Variants in KMT2D observed in about 807,000 individuals in gnomAD.
KMT2D encodes the protein histone-lysine N-methyltransferase 2D.
In KMT2D, 55 loss-of-function variants were observed where a neutral mutation model predicts 512.7. The ratio of observed to expected loss-of-function variants is 0.11; its 90% CI spans 0.09 to 0.13. KMT2D has a LOEUF of 0.13. KMT2D is among the 10% of genes least tolerant of loss of function. KMT2D has a pLI of 1.00. For synonymous variants in KMT2D, 2,995 were observed against 2,904.0 expected (o/e 1.03, Z -1.01); for missense variants, 6,061 against 7,127.9 (o/e 0.85, Z 5.39).
chr12:49,049,014 G>C (rs1157598647), intron 13 of KMT2D, 91 bp downstream of exon 13: 2 of 843,284 alleles, frequency 2.4e-6, no homozygotes, highest in East Asian at 2.6e-5. Context: ...TAGACGAGCA[G>C]GCAGGTAGGC....
rs760816616 is a variant in KMT2D at position 49,033,467 on chromosome 12, G to GTGCTGC, written c.11232_11237dup (p.Gln3744_Gln3745dup). ...GCTGGATTGCCACCTGTCCTAGAAGGTGCTGCTGCTGCTGTTGCTGCTGCT... is the reference window on the plus strand; with the variant it reads ...GCTGGATTGCCACCTGTCCTAGAAGGTGCTGCTGCTGCTGCTGCTGTTGCTGCTGCT... On this transcript the variant is annotated inframe_insertion, in exon 40 of 55. Coordinates refer to ENST00000301067, the MANE Select transcript of KMT2D (RefSeq NM_003482.4). 1 of 1,606,386 alleles carries GTGCTGC rather than the reference G, an allele frequency of 6.2e-7. No individual in the cohort carries two copies. The highest frequency in any genetic ancestry group is 8.5e-7 in the Non-Finnish European group (1 of 1,176,638).
Position 49,051,406 on chromosome 12 carries a change from T to C in KMT2D, c.2277A>G (p.Pro759=), listed in dbSNP as rs1358870319. ...GCTCCTCAGCCTGCGGAGATAGGTGTGGCTCCTCAGGCCGGGGGGACAGGT... is the reference window on the plus strand; with the variant it reads ...GCTCCTCAGCCTGCGGAGATAGGTGCGGCTCCTCAGGCCGGGGGGACAGGT... The part of the protein sequence containing the change: ...EPHLSPRPEE[P]HLSPQAEEPH... The change falls in exon 11 of 55, where the codon CCA becomes CCG. Residue 759 remains proline, a synonymous_variant. Coordinates refer to ENST00000301067, the MANE Select transcript of KMT2D (RefSeq NM_003482.4). The C allele has an allele frequency of 1.0e-5, 16 of 1,603,010 alleles. No individual in the cohort carries two copies. Among genetic ancestry groups the C allele is most frequent in the East Asian group, 4.5e-5 (2 of 44,330 alleles).
In KMT2D at chr12:49,025,170, C is replaced by T. The variant is rs556531027; in HGVS notation, c.15785-224G>A. On this transcript the variant is annotated intron_variant, in intron 49 of 54. Transcript: ENST00000301067. The stretch of plus-strand genomic sequence containing the variant: ...TCATCACAGAGCCTTGAGATACAAA[C>T]CCAGGGCCCAGGAGACCCAGCATAG... 1.7e-4 allele frequency among the ~76,000 whole-genome samples: 26 copies of T among 152,268 alleles called. No homozygotes were observed. The South Asian group carries it at 5.4e-3, about 32-fold the overall frequency.
Position 49,060,002 on chromosome 12 carries a change from G to A in KMT2D, c.-427C>T, listed in dbSNP as rs1162028554. Among the ~76,000 whole-genome samples the A allele has an allele frequency of 6.6e-6, 1 of 151,436 alleles. No homozygotes were observed. The highest frequency in any genetic ancestry group is 1.5e-5 in the Non-Finnish European group (1 of 67,784). ...GCGCCGGGCTCGGGCGGAACGTCGA[G>A]GCTCTCCAGATGGAACGTCGAGGCG... On this transcript the variant is annotated 5_prime_UTR_variant, in exon 1 of 55. Coordinates refer to ENST00000301067, the MANE Select transcript of KMT2D (RefSeq NM_003482.4).
chr12:49,021,996 A>G (rs763036482), intron 54 of KMT2D, 47 bp downstream of exon 54: 55 of 1,576,442 alleles, frequency 3.5e-5, no homozygotes, highest in Non-Finnish European at 4.5e-5. Context: ...GAAGGGGTGA[A>G]AGGAGGAGGA....
chr12:49,027,181 G>A lies in KMT2D; in HGVS notation c.14785C>T (p.Pro4929Ser), dbSNP rs1942641944. ...GGAAGTTCAACCAAGGGCTCAGTAG[G>A]GGGACTGGCAGGAGAAGGTGCCAAG... ...SPLAPSPASPPTEPLVELPTE... is the reference protein window; with the variant it reads ...SPLAPSPASPSTEPLVELPTE... Residue 4929 changes from proline to serine, a missense_variant, in exon 49 of 55, where the codon CCT (proline) becomes TCT (serine). Pro to Ser is a moderately conservative substitution (Grantham distance 74). Coordinates refer to ENST00000301067, the MANE Select transcript of KMT2D (RefSeq NM_003482.4). 1 of 1,551,482 alleles carries A rather than the reference G, an allele frequency of 6.4e-7. No homozygotes were observed. Among genetic ancestry groups the A allele is most frequent in the African/African-American group, 1.4e-5 (1 of 73,048 alleles).
Position 49,060,216 on chromosome 12 carries a change from C to T in KMT2D, c.-641G>A. The stretch of plus-strand genomic sequence containing the variant: ...GACACACACCCAGCGCCGGGCTTCT[C>T]GACCCCGAGCGCTCACCCTCGGCGG... On this transcript the variant is annotated 5_prime_UTR_variant, in exon 1 of 55. Transcript: ENST00000301067. 6.6e-6 allele frequency among the ~76,000 whole-genome samples: 1 copy of T among 151,920 alleles called. No individual in the cohort carries two copies. Among genetic ancestry groups the T allele is most frequent in the Non-Finnish European group, 1.5e-5 (1 of 67,882 alleles).
chr12:49,042,465 G>A lies in KMT2D; in HGVS notation c.5867+96C>T. Reference sequence around the variant, plus strand: ...AACAAGGGAATGGGGAGGAGCAGGGGAAGTGCTGCAGGAGTCCGAGGGAGG... The same window carrying A: ...AACAAGGGAATGGGGAGGAGCAGGGAAAGTGCTGCAGGAGTCCGAGGGAGG... On this transcript the variant is annotated intron_variant, in intron 28 of 54. Transcript: ENST00000301067. This position sits in a 1 kb window ranked among gnomAD's most constrained non-coding sequence, Gnocchi z 4.4. 18 of 1,525,572 alleles carry A rather than the reference G, an allele frequency of 1.2e-5. No homozygotes were observed. The highest frequency in any genetic ancestry group is 2.4e-5 in the East Asian group (1 of 41,344). 94.5% of individuals were successfully genotyped at this position (1,525,572 alleles called of 1,614,324 possible).
At position 49,040,012 on chromosome 12, in the gene KMT2D, G is replaced by T; in HGVS notation, c.7758C>A (p.Asn2586Lys). 6.2e-7 allele frequency: 1 copy of T among 1,613,766 alleles called. No individual in the cohort carries two copies. The highest frequency in any genetic ancestry group is 8.5e-7 in the Non-Finnish European group (1 of 1,179,780). ...QSTNYTVATGNFHPSGSPLGP... is the reference protein window; with the variant it reads ...QSTNYTVATGKFHPSGSPLGP... ...CCAGGGGGCTGCCCGATGGGTGGAA[G>T]TTCCCTGTGGCTACTGTGTAGTTTG... The change falls in exon 32 of 55, where the codon AAC becomes AAA. Residue 2586 changes from asparagine (N) to lysine (K), a missense_variant. By Grantham distance (94) the Asn-to-Lys change is moderately conservative. Coordinates refer to ENST00000301067, the MANE Select transcript of KMT2D (RefSeq NM_003482.4).
chr12:49,050,251 C>A lies in KMT2D; in HGVS notation c.3337G>T (p.Asp1113Tyr), dbSNP rs1178360990. The A allele has an allele frequency of 6.2e-7, 1 of 1,612,932 alleles. No homozygotes were observed. Among genetic ancestry groups the A allele is most frequent in the Admixed American group, 1.7e-5 (1 of 59,838 alleles). The change falls in exon 12 of 55, where the codon GAT becomes TAT. Residue 1113 changes from aspartate to tyrosine, a missense_variant. By Grantham distance (160) the Asp-to-Tyr change is radical. Coordinates refer to ENST00000301067, the MANE Select transcript of KMT2D (RefSeq NM_003482.4). ...TCTTCCCCTAGGCCAGAGAAGTCATCCAGGGCTGGGGCAGGGCTGGGGGCG... is the reference window on the plus strand; with the variant it reads ...TCTTCCCCTAGGCCAGAGAAGTCATACAGGGCTGGGGCAGGGCTGGGGGCG... The part of the protein sequence containing the change: ...CPAPSPAPAL[D>Y]DFSGLGEDTA...
Position 49,031,626 on chromosome 12 carries a change from G to A in KMT2D, c.13079C>T (p.Pro4360Leu), listed in dbSNP as rs756511626. The A allele has an allele frequency of 6.2e-6, 10 of 1,602,100 alleles. No homozygotes were observed. The South Asian group carries it at 6.7e-5, about 11-fold the overall frequency. Residue 4360 changes from proline to leucine, a missense_variant, in exon 40 of 55, where the codon CCT becomes CTT. Around this residue, in one of 16 missense-constraint regions of KMT2D, gnomAD observed 1,600 missense variants for 1,754.9 expected, o/e 0.91. Coordinates refer to ENST00000301067, the MANE Select transcript of KMT2D (RefSeq NM_003482.4). ...GGTATCTGCAAGCTGGGCAGCAGCA[G>A]GTGAGACCCTCCCAGGAGGCGGCTC... is the stretch of plus-strand genomic sequence containing the variant. ...TLEPPPGRVSPAAAQLADTLF... is the reference protein window; with the variant it reads ...TLEPPPGRVSLAAAQLADTLF...
chr12:49,028,694 T>C, intron 46 of KMT2D, 134 bp downstream of exon 46: 1 of 1,193,186 alleles, frequency 8.4e-7, no homozygotes, highest in Non-Finnish European at 1.2e-6. Context: ...TCACAGCCTC[T>C]AGCCCAGGCT....
chr12:49,045,800 C>T (rs1165913574), intron 19 of KMT2D, 120 bp downstream of exon 19: 2 of 918,960 alleles, frequency 2.2e-6, no homozygotes, highest in African/African-American at 3.3e-5. Flanking sequence ...GGCCACTTAA[C>T]TTCTCTGGGT....
chr12:49,046,334 G>A lies in KMT2D; in HGVS notation c.4509C>T (p.Ser1503=), dbSNP rs2120604699. 1 of 1,614,004 alleles carries A rather than the reference G, an allele frequency of 6.2e-7. No individual in the cohort carries two copies. The highest frequency in any genetic ancestry group is 8.5e-7 in the Non-Finnish European group (1 of 1,179,880). Residue 1503 remains serine (S), a synonymous_variant, in exon 17 of 55, where the codon AGC becomes AGT. Coordinates refer to ENST00000301067, the MANE Select transcript of KMT2D (RefSeq NM_003482.4). This position sits in a 1 kb window ranked among gnomAD's most constrained non-coding sequence, Gnocchi z 4.2. The part of the protein sequence containing the change: ...NSYTHCGPCA[S]LVTCPICHAP... ...CATGACAGATAGGGCAGGTCACCAG[G>A]CTGGCACAGGGCCCACAGTGTGTGT...
chr12:49,044,913 G>A lies in KMT2D; in HGVS notation c.4794C>T (p.Ala1598=), dbSNP rs2120589440. ...GTGACATGGTCAGGTTACGCAGCAA[G>A]GCCATGCCAGTTTCTGTCAGCCACA... ...EGVWLTETGM[A]LLRNLTMSPL... The change falls in exon 20 of 55, where the codon GCC becomes GCT. Residue 1598 remains alanine, a synonymous_variant. Transcript: ENST00000301067. The surrounding 1 kb of genome is among the most constrained non-coding windows in gnomAD (Gnocchi z 6.4). 1 of 1,614,086 alleles carries A rather than the reference G, an allele frequency of 6.2e-7. No homozygotes were observed. The highest frequency in any genetic ancestry group is 8.5e-7 in the Non-Finnish European group (1 of 1,179,906).
In KMT2D at chr12:49,059,991, CGGAACGTCGAGGCTCTCCAGAT is replaced by C. The variant is rs1265067304; in HGVS notation, c.-438_-417del. On this transcript the variant is annotated 5_prime_UTR_variant, in exon 1 of 55. Coordinates refer to ENST00000301067, the MANE Select transcript of KMT2D (RefSeq NM_003482.4). ...CCCGGCCGCCCGCGCCGGGCTCGGG[CGGAACGTCGAGGCTCTCCAGAT>C]GGAACGTCGAGGCGCCTCCCCAGCA... is the stretch of plus-strand genomic sequence containing the variant. Among the ~76,000 whole-genome samples, 4 of 151,404 alleles carry C rather than the reference CGGAACGTCGAGGCTCTCCAGAT, an allele frequency of 2.6e-5. No homozygotes were observed. The highest frequency in any genetic ancestry group is 7.3e-5 in the African/African-American group (3 of 41,246).
chr12:49,040,832 C>A lies in KMT2D; in HGVS notation c.6938G>T (p.Gly2313Val), dbSNP rs1943480564. Residue 2313 changes from glycine (G) to valine (V), a missense_variant, in exon 32 of 55, where the codon GGC becomes GTC. Gly to Val is a moderately radical substitution (Grantham distance 109). Coordinates refer to ENST00000301067, the MANE Select transcript of KMT2D (RefSeq NM_003482.4). ...NLGFVDSPSS[G>V]THLGGLELKT... Reference sequence around the variant, plus strand: ...TAACTCCAGGCCACCCAGGTGGGTGCCTGAGGAGGGTGAGTCAACAAAGCC... The same window carrying A: ...TAACTCCAGGCCACCCAGGTGGGTGACTGAGGAGGGTGAGTCAACAAAGCC... 1 of 1,613,606 alleles carries A rather than the reference C, an allele frequency of 6.2e-7. No individual in the cohort carries two copies. The highest frequency in any genetic ancestry group is 1.3e-5 in the African/African-American group (1 of 74,878).
intron 6 of KMT2D, 62 bp from the exon 7 acceptor site, chr12:49,053,703 T>C (rs1938228736): frequency 2.0e-6 from 3 of 1,512,766 alleles, no homozygotes; most frequent in Middle Eastern, 1.8e-4. Context: ...AGCACATTGC[T>C]GTACACAAAA....
rs539729311 is a variant in KMT2D, at chr12:49,024,296, A to G, written c.16052+282T>C. Among the ~76,000 whole-genome samples the G allele has an allele frequency of 1.3e-5, 2 of 152,262 alleles. No homozygotes were observed. Among genetic ancestry groups the G allele is most frequent in the South Asian group, 4.1e-4 (2 of 4,826 alleles). On this transcript the variant is annotated intron_variant, in intron 51 of 54. Coordinates refer to ENST00000301067, the MANE Select transcript of KMT2D (RefSeq NM_003482.4). This position sits in a 1 kb window ranked among gnomAD's most constrained non-coding sequence, Gnocchi z 4.5. Reference sequence around the variant, plus strand: ...AAACAGGAGAAGAAAGAGGTGACCAAGTCCCTTATATATTTCATAAAATTT... The same window carrying G: ...AAACAGGAGAAGAAAGAGGTGACCAGGTCCCTTATATATTTCATAAAATTT...
Sources: allele counts gnomAD v4.1 joint callset (sites outside exome capture counted in the v4.1 genomes callset), GRCh38; gene constraint gnomAD v4.1.1; regional missense constraint gnomAD v4.1.1; non-coding constraint Gnocchi (gnomAD v3.1); transcripts MANE v1.5; gene names NCBI Gene and HGNC (gene_info 2026-07-23, HGNC 2026-07-21).